The following STK39 variants were observed in gnomAD, a reference collection of about 807,000 sequenced individuals.
STK39 encodes the protein serine/threonine kinase 39.
In STK39, 20 loss-of-function variants were observed where a neutral mutation model predicts 77.8. That is an observed-to-expected ratio of 0.26 (90% CI 0.18 to 0.37). The LOEUF (loss-of-function observed/expected upper bound fraction) is 0.37, where lower values mean the gene tolerates loss of function less well. STK39 is among the 10% of genes least tolerant of loss of function. The pLI, the probability that STK39 is intolerant of heterozygous loss-of-function variation, is 1.00. For missense variants in STK39, 479 were observed against 656.5 expected (o/e 0.73, Z 2.95); for synonymous variants, 246 against 234.1 (o/e 1.05, Z -0.47).
At chr2:168,202,159 C>T (rs1689627209) in intron 1 of STK39, among the ~76,000 whole-genome samples, 1 of 152,182 alleles carries the variant, frequency 6.6e-6, no homozygotes. Flanking sequence ...AAGACAAATT[C>T]CCAGACTCAG....
chr2:168,104,895 A>C (rs528808424), intron 10 of STK39, among the ~76,000 whole-genome samples: 18 of 152,226 alleles, frequency 1.2e-4, no homozygotes, highest in East Asian at 3.9e-4. Flanking sequence ...AAACACCTAG[A>C]TGTCCAACAA....
At chr2:168,025,262 A>G (rs902885885) in intron 14 of STK39, among the ~76,000 whole-genome samples, 1 of 152,158 alleles carries the variant, frequency 6.6e-6, no homozygotes, top group Non-Finnish European at 1.5e-5. Context: ...TCAACTACCT[A>G]TATGGTATCT....
intron 16 of STK39, among the ~76,000 whole-genome samples, chr2:167,970,986 A>G (rs895545609): frequency 3.3e-5 from 5 of 152,224 alleles, no homozygotes; most frequent in Admixed American, 6.5e-5. Flanking sequence ...TCATTGCTCA[A>G]TTAAAGTCCT....
chr2:167,957,451 T>C (rs2105514628), intron 17 of STK39, among the ~76,000 whole-genome samples: 1 of 152,336 alleles, frequency 6.6e-6, no homozygotes, highest in African/African-American at 2.4e-5. Flanking sequence ...ACTGACACTG[T>C]AATATTCACC....
At chr2:168,236,554 A>AG (rs1223482015) in intron 1 of STK39, among the ~76,000 whole-genome samples, 1 of 150,420 alleles carries the variant, frequency 6.6e-6, no homozygotes, top group Non-Finnish European at 1.5e-5. Flanking sequence ...GGTATTGCCT[A>AG]GGTTTTCTTC....
At chr2:168,202,530 G>C (rs1689636839) in intron 1 of STK39, among the ~76,000 whole-genome samples, 1 of 152,054 alleles carries the variant, frequency 6.6e-6, no homozygotes, top group Non-Finnish European at 1.5e-5. Flanking sequence ...ACATGAAAAA[G>C]TTTTACTTCC....
intron 1 of STK39, among the ~76,000 whole-genome samples, chr2:168,230,412 T>C (rs1690424223): frequency 6.6e-6 from 1 of 152,012 alleles, no homozygotes; most frequent in Admixed American, 6.6e-5. Context: ...GGATGAGAAA[T>C]CAGTGGAAAG....
chr2:168,138,611 ATAAG>A (rs927784257), intron 7 of STK39, among the ~76,000 whole-genome samples: 1 of 152,234 alleles, frequency 6.6e-6, no homozygotes, highest in African/African-American at 2.4e-5. Context: ...CAGGTCATTC[ATAAG>A]TAAGGAACTG....
At chr2:168,015,586 G>A (rs1319942389) in intron 15 of STK39, among the ~76,000 whole-genome samples, 1 of 152,186 alleles carries the variant, frequency 6.6e-6, no homozygotes, top group African/African-American at 2.4e-5. Context: ...AATGCTGACA[G>A]GGCCATGTTA....
intron 14 of STK39, among the ~76,000 whole-genome samples, chr2:168,059,458 G>A (rs1685607764): frequency 6.6e-6 from 1 of 152,150 alleles, no homozygotes; most frequent in African/African-American, 2.4e-5. Context: ...GAGTGAGGGT[G>A]GCGTAGTGGA....
intron 5 of STK39, among the ~76,000 whole-genome samples, chr2:168,160,462 G>A (rs879421893): frequency 6.6e-6 from 1 of 152,198 alleles, no homozygotes; most frequent in Non-Finnish European, 1.5e-5. Context: ...AGTAATAGTA[G>A]TAATAGTAGC....
At chr2:167,988,225 G>A (rs1683608002) in intron 16 of STK39, among the ~76,000 whole-genome samples, 1 of 152,122 alleles carries the variant, frequency 6.6e-6, no homozygotes, top group Non-Finnish European at 1.5e-5. Flanking sequence ...CTTATGCATG[G>A]AGTCCCCTCC....
chr2:168,183,855 A>T (rs1689142300), intron 1 of STK39, among the ~76,000 whole-genome samples: 1 of 152,222 alleles, frequency 6.6e-6, no homozygotes, highest in Non-Finnish European at 1.5e-5. Flanking sequence ...GAGCCAAACA[A>T]TACAAAAAGT....
intron 12 of STK39, among the ~76,000 whole-genome samples, chr2:168,067,154 G>A (rs773342662): frequency 1.3e-5 from 2 of 152,160 alleles, no homozygotes; most frequent in Non-Finnish European, 2.9e-5. Flanking sequence ...CCCAGAAGGC[G>A]GAGATTGCAG....
intron 1 of STK39, among the ~76,000 whole-genome samples, chr2:168,189,910 C>G (rs1036353851): frequency 6.6e-6 from 1 of 152,090 alleles, no homozygotes; most frequent in Non-Finnish European, 1.5e-5. Context: ...AGCTGTTTAC[C>G]TTCTAAGAAA....
intron 10 of STK39, among the ~76,000 whole-genome samples, chr2:168,097,964 A>T (rs1349594935): frequency 6.6e-6 from 1 of 152,252 alleles, no homozygotes; most frequent in Non-Finnish European, 1.5e-5. Context: ...TAGAGTCTGT[A>T]AAACAGAGTC....
chr2:167,961,207 A>G (rs868520127), intron 17 of STK39, among the ~76,000 whole-genome samples: 1 of 152,354 alleles, frequency 6.6e-6, no homozygotes, highest in Middle Eastern at 3.4e-3. Flanking sequence ...ACTTGGCAAA[A>G]TGTTGCCTTA....
intron 1 of STK39, among the ~76,000 whole-genome samples, chr2:168,195,360 A>C (rs1286017791): frequency 2.6e-5 from 4 of 152,198 alleles, no homozygotes; most frequent in Non-Finnish European, 5.9e-5. Context: ...CGATGGCACT[A>C]CTGCACTCCA....
chr2:168,182,691 A>T (rs1473833409), intron 1 of STK39, among the ~76,000 whole-genome samples: 1 of 152,234 alleles, frequency 6.6e-6, no homozygotes, highest in African/African-American at 2.4e-5. Context: ...TCATTAGCTA[A>T]TGCACTCAGA....
Sources: gnomAD v4.1 joint callset for allele counts (sites outside exome capture counted in the v4.1 genomes callset) on GRCh38, gnomAD v4.1.1 for gene constraint, MANE v1.5 for transcripts, NCBI Gene and HGNC (gene_info 2026-07-23, HGNC 2026-07-21) for gene names.